Variants in MGAT5 observed in about 807,000 individuals in gnomAD.
The protein encoded by MGAT5 is alpha-1,6-mannosylglycoprotein 6-beta-N-acetylglucosaminyltransferase, also known as alpha-1,6-mannosylglycoprotein 6-beta-N-acetylglucosaminyltransferase A.
Under a neutral mutation model 94.3 loss-of-function variants are expected in MGAT5, and 30 were observed. The ratio of observed to expected loss-of-function variants is 0.32; its 90% CI spans 0.24 to 0.43. MGAT5 has a LOEUF of 0.43. Among genes scored for constraint, MGAT5 ranks in the 20% least tolerant of loss-of-function variants. MGAT5 has a pLI of 1.00. For synonymous variants in MGAT5, 310 were observed against 322.9 expected (o/e 0.96, Z 0.43); for missense variants, 691 against 905.5 (o/e 0.76, Z 3.04).
intron 1 of MGAT5, among the ~76,000 whole-genome samples, chr2:134,141,320 G>T (rs530815029): frequency 5.8e-4 from 89 of 152,306 alleles, no homozygotes; most frequent in Non-Finnish European, 2.4e-4. Context: ...GGACTGATAT[G>T]GGGGGATGTG....
chr2:134,156,142 T>TCCCCCAGC, intron 1 of MGAT5, among the ~76,000 whole-genome samples: 1 of 152,192 alleles, frequency 6.6e-6, no homozygotes, highest in Middle Eastern at 3.4e-3. Context: ...TGAATGCTGC[T>TCCCCCAGC]CCCCCAGCTC....
chr2:134,279,468 A>C (rs1684568037), intron 2 of MGAT5, among the ~76,000 whole-genome samples: 1 of 152,240 alleles, frequency 6.6e-6, no homozygotes, highest in Non-Finnish European at 1.5e-5. Context: ...TGCAGAAAAG[A>C]AACAGGGACC....
chr2:134,398,295 C>G (rs1010125398), intron 10 of MGAT5, among the ~76,000 whole-genome samples: 2 of 152,156 alleles, frequency 1.3e-5, no homozygotes, highest in Non-Finnish European at 2.9e-5. Flanking sequence ...TTTCTCTGCC[C>G]TCCATGGAGT....
At chr2:134,172,253 C>T (rs1395740667) in intron 1 of MGAT5, among the ~76,000 whole-genome samples, 1 of 152,148 alleles carries the variant, frequency 6.6e-6, no homozygotes. Flanking sequence ...GAGCGTGTGA[C>T]TCCTAAGGAC....
chr2:134,213,800 T>G (rs1241454529), intron 1 of MGAT5, among the ~76,000 whole-genome samples: 1 of 149,010 alleles, frequency 6.7e-6, no homozygotes, highest in Non-Finnish European at 1.5e-5. Flanking sequence ...CACAGGAGCC[T>G]CTGTCCTTGT....
chr2:134,331,341 G>A (rs1305439134), intron 4 of MGAT5, among the ~76,000 whole-genome samples: 1 of 152,088 alleles, frequency 6.6e-6, no homozygotes, highest in Non-Finnish European at 1.5e-5. Flanking sequence ...GTCTTTGTTT[G>A]TTTTTGTTTT....
Position 134,341,547 on chromosome 2 carries a change from A to G in MGAT5, c.808-43A>G, listed in dbSNP as rs746476582. 2.7e-6 allele frequency: 4 copies of G among 1,508,102 alleles called. No individual in the cohort carries two copies. In the South Asian group the frequency reaches 5.3e-5, roughly 20 times the overall value. 93.4% of individuals were successfully genotyped at this position (1,508,102 alleles called of 1,614,324 possible). ...CTTGGCGCATTACTGTGCCTTTTGTATGTGGTTCAGTGTGAATCAGTATAT... is the reference window on the plus strand; with the variant it reads ...CTTGGCGCATTACTGTGCCTTTTGTGTGTGGTTCAGTGTGAATCAGTATAT... On this transcript the variant is annotated intron_variant, in intron 6 of 15. Transcript: ENST00000281923.
intron 14 of MGAT5, among the ~76,000 whole-genome samples, chr2:134,433,794 A>G (rs499582): frequency 0.8 from 121,675 of 151,386 alleles, 50,160 homozygotes; most frequent in East Asian, 1. Flanking sequence ...ACCGAACGGG[A>G]CCCAAACCCC....
intron 4 of MGAT5, among the ~76,000 whole-genome samples, chr2:134,323,551 T>G (rs577150459): frequency 3.3e-5 from 5 of 152,196 alleles, no homozygotes; most frequent in African/African-American, 1.2e-4. Context: ...AAGTCGCTTA[T>G]CCCCAAAGTC....
rs1182045907 is a variant in MGAT5, at chr2:134,332,619, A to C, written c.574-3598A>C. On this transcript the variant is annotated intron_variant, in intron 4 of 15. Coordinates refer to ENST00000281923, the MANE Select transcript of MGAT5 (RefSeq NM_002410.5). ...TAATTAAACTAAAGAACTTCTGCAC[A>C]GCAAAAGAAACTACCATCAGAGTGA... Among the ~76,000 whole-genome samples the C allele has an allele frequency of 1.4e-4, 22 of 152,220 alleles. No individual in the cohort carries two copies. In the South Asian group the frequency reaches 4.1e-3, roughly 29 times the overall value.
chr2:134,307,375 A>G (rs1472855513), intron 2 of MGAT5, among the ~76,000 whole-genome samples: 1 of 133,492 alleles, frequency 7.5e-6, no homozygotes, highest in Non-Finnish European at 1.7e-5. Context: ...TAAATTACAC[A>G]TGGTCACATT....
At chr2:134,142,585 G>C (rs1263568289) in intron 1 of MGAT5, among the ~76,000 whole-genome samples, 2 of 152,202 alleles carry the variant, frequency 1.3e-5, no homozygotes, top group African/African-American at 4.8e-5. Context: ...ATAATTATCT[G>C]AGGTCACATG....
At chr2:134,336,195 T>C in intron 4 of MGAT5, 22 bp from the exon 5 acceptor site, 1 of 1,600,294 alleles carries the variant, frequency 6.2e-7, no homozygotes, top group Non-Finnish European at 8.6e-7. Flanking sequence ...GCTGCATATT[T>C]AGTGTCACTG....
intron 1 of MGAT5, among the ~76,000 whole-genome samples, chr2:134,235,611 A>G (rs935510151): frequency 6.6e-6 from 1 of 152,154 alleles, no homozygotes; most frequent in Non-Finnish European, 1.5e-5. Context: ...ACTTTAAAAA[A>G]ATGAATATCC....
chr2:134,165,223 C>T (rs2105084484), intron 1 of MGAT5, among the ~76,000 whole-genome samples: 1 of 152,352 alleles, frequency 6.6e-6, no homozygotes, highest in South Asian at 2.1e-4. Context: ...GCTGCTCTAG[C>T]TGATGGCCAG....
intron 1 of MGAT5, among the ~76,000 whole-genome samples, chr2:134,245,556 A>G (rs1018364026): frequency 2.6e-5 from 4 of 152,000 alleles, no homozygotes; most frequent in Non-Finnish European, 5.9e-5. Flanking sequence ...TACCCCACCC[A>G]CGCCCTCTAG....
At chr2:134,189,592 G>GTTTTTTTTT (rs113582076) in intron 1 of MGAT5, among the ~76,000 whole-genome samples, 41 of 56,288 alleles carry the variant, frequency 7.3e-4, no homozygotes, top group African/African-American at 2.1e-3. Context: ...CATGGCTCTA[G>GTTTTTTTTT]TTTTTTTTTG....
At chr2:134,426,970 T>C (rs1684626428) in intron 13 of MGAT5, among the ~76,000 whole-genome samples, 1 of 152,204 alleles carries the variant, frequency 6.6e-6, no homozygotes, top group Non-Finnish European at 1.5e-5. Flanking sequence ...TGTAGGCCAC[T>C]GTGGCCCACA....
chr2:134,324,122 G>T (rs1687506159), intron 4 of MGAT5, among the ~76,000 whole-genome samples: 1 of 152,042 alleles, frequency 6.6e-6, no homozygotes, highest in Non-Finnish European at 1.5e-5. Context: ...TTTTTAAACA[G>T]TTGTTACAGA....
Sources: allele counts gnomAD v4.1 joint callset (sites outside exome capture counted in the v4.1 genomes callset), GRCh38; gene constraint gnomAD v4.1.1; transcripts MANE v1.5; gene names NCBI Gene and HGNC (gene_info 2026-07-23, HGNC 2026-07-21).